PDLIM5: variants seen among roughly 807,000 people sequenced by gnomAD.
PDLIM5 encodes the protein PDZ and LIM domain protein 5.
Under a neutral mutation model 64.2 loss-of-function variants are expected in PDLIM5, and 34 were observed. The observed-to-expected ratio is 0.53, with a 90% confidence interval of 0.40 to 0.71. The LOEUF (loss-of-function observed/expected upper bound fraction) is 0.71, where lower values mean the gene tolerates loss of function less well. Ranked by LOEUF, PDLIM5 falls within the 30% of genes least tolerant of loss-of-function variation. The pLI is 0.00. For missense variants in PDLIM5, 683 were observed against 733.6 expected, an observed-to-expected ratio of 0.93 and a Z score of 0.80; for synonymous variants, 253 against 269.1, an observed-to-expected ratio of 0.94 and a Z score of 0.59.
rs115723892 is a variant in PDLIM5, at chr4:94,482,150, C to T, written c.96+26766C>T. 9.3e-3 allele frequency among the ~76,000 whole-genome samples: 1,389 copies of T among 149,680 alleles called. 24 individuals carry two copies. The highest frequency in any genetic ancestry group is 0.032 in the African/African-American group (1,291 of 40,638). On this transcript the variant is annotated intron_variant, in intron 2 of 12. Coordinates refer to ENST00000317968, the MANE Select transcript of PDLIM5 (RefSeq NM_006457.5). ...TTTTAAATTACAGAGTCTAGCATAT[C>T]ATGTTGTGATTTGGGTTATTTATTT... is the stretch of plus-strand genomic sequence containing the variant.
At chr4:94,650,411 G>A (rs1406135307) in intron 9 of PDLIM5, among the ~76,000 whole-genome samples, 1 of 152,154 alleles carries the variant, frequency 6.6e-6, no homozygotes, top group Non-Finnish European at 1.5e-5. Flanking sequence ...ATCAGATTCT[G>A]TTTTTATTCT....
At chr4:94,623,023 T>C (rs1342240200) in intron 8 of PDLIM5, among the ~76,000 whole-genome samples, 1 of 152,170 alleles carries the variant, frequency 6.6e-6, no homozygotes, top group Admixed American at 6.5e-5. Context: ...TATAGCATTC[T>C]TGTGAAATCA....
intron 7 of PDLIM5, among the ~76,000 whole-genome samples, chr4:94,600,563 T>C (rs1485549162): frequency 6.6e-6 from 1 of 152,246 alleles, no homozygotes; most frequent in Non-Finnish European, 1.5e-5. Flanking sequence ...CTTTATTGTT[T>C]ATAAATTCTT....
intron 2 of PDLIM5, among the ~76,000 whole-genome samples, chr4:94,506,697 GT>G (rs1483519417): frequency 6.6e-6 from 1 of 152,178 alleles, no homozygotes; most frequent in African/African-American, 2.4e-5. Flanking sequence ...CTGTGTGATG[GT>G]TAATATTAGG....
At position 94,575,601 on chromosome 4, in the gene PDLIM5, T is replaced by A. The variant is rs1431896101; in HGVS notation, c.292-15T>A. ...TTGGTGTGGTTTTGTGTATGTTTAT[T>A]TTTGTTTTACATAGGGAGAACCTAA... On this transcript the variant is annotated splice_polypyrimidine_tract_variant and intron_variant, in intron 4 of 12. Coordinates refer to ENST00000317968, the MANE Select transcript of PDLIM5 (RefSeq NM_006457.5). 2 of 1,511,176 alleles carry A rather than the reference T, an allele frequency of 1.3e-6. No homozygotes were observed. Among genetic ancestry groups the A allele is most frequent in the Non-Finnish European group, 1.8e-6 (2 of 1,120,998 alleles). 93.6% of individuals were successfully genotyped at this position (1,511,176 alleles called of 1,614,324 possible). A position where few individuals can be genotyped will look rare whatever the true frequency, so the allele number is the denominator to read the frequency against.
chr4:94,536,232 A>G (rs1040514892), intron 3 of PDLIM5, among the ~76,000 whole-genome samples: 2 of 152,152 alleles, frequency 1.3e-5, no homozygotes, highest in African/African-American at 4.8e-5. Flanking sequence ...TGAGGAGTGT[A>G]GCAGAGATAG....
intron 3 of PDLIM5, among the ~76,000 whole-genome samples, chr4:94,542,507 C>T (rs1731908911): frequency 6.6e-6 from 1 of 152,208 alleles, no homozygotes; most frequent in South Asian, 2.1e-4. Flanking sequence ...TTCAGTGATA[C>T]ATCTTACCTT....
intron 3 of PDLIM5, among the ~76,000 whole-genome samples, chr4:94,540,676 C>T (rs1731730731): frequency 6.6e-6 from 1 of 152,130 alleles, no homozygotes; most frequent in African/African-American, 2.4e-5. Flanking sequence ...GGTTGAGTGA[C>T]TTTCTTTTGA....
chr4:94,636,690 C>A (rs548572572), intron 8 of PDLIM5, among the ~76,000 whole-genome samples: 1 of 151,960 alleles, frequency 6.6e-6, no homozygotes, highest in Non-Finnish European at 1.5e-5. Flanking sequence ...AGGCCCACCA[C>A]GCGCAGCTAA....
At chr4:94,579,455 C>T (rs151252799) in intron 5 of PDLIM5, 5 of 747,788 alleles carry the variant, frequency 6.7e-6, no homozygotes, top group Non-Finnish European at 1.1e-5. Flanking sequence ...TTTGAAGAAC[C>T]TGGCCTTGGA....
chr4:94,612,170 A>C (rs1738421061), intron 7 of PDLIM5, among the ~76,000 whole-genome samples: 1 of 152,214 alleles, frequency 6.6e-6, no homozygotes. Context: ...GTGAGCCGAA[A>C]TTGCGCCATT....
At chr4:94,487,294 G>T (rs1726435789) in intron 2 of PDLIM5, among the ~76,000 whole-genome samples, 1 of 152,148 alleles carries the variant, frequency 6.6e-6, no homozygotes, top group Non-Finnish European at 1.5e-5. Context: ...TGCCTATATA[G>T]ATTTTGTCAG....
chr4:94,505,269 T>C (rs565135452), intron 2 of PDLIM5, among the ~76,000 whole-genome samples: 3 of 152,126 alleles, frequency 2.0e-5, no homozygotes, highest in Non-Finnish European at 4.4e-5. Context: ...AGTCACTTTT[T>C]TTTTTTTTGG....
intron 5 of PDLIM5, among the ~76,000 whole-genome samples, chr4:94,582,080 C>T (rs1455881010): frequency 1.3e-5 from 2 of 152,068 alleles, no homozygotes; most frequent in East Asian, 1.9e-4. Flanking sequence ...ACTGTGCTTC[C>T]TACATTTTTC....
At chr4:94,544,507 A>G (rs552669207) in intron 3 of PDLIM5, among the ~76,000 whole-genome samples, 4 of 152,284 alleles carry the variant, frequency 2.6e-5, no homozygotes, top group East Asian at 1.9e-4. Flanking sequence ...TCCCAATTTT[A>G]TAGAGATACA....
intron 2 of PDLIM5, among the ~76,000 whole-genome samples, chr4:94,466,324 G>T (rs900847405): frequency 6.6e-6 from 1 of 152,134 alleles, no homozygotes; most frequent in Non-Finnish European, 1.5e-5. Context: ...GTATGTATGG[G>T]AGTAACTGAG....
chr4:94,568,566 A>G (rs1156989969), intron 3 of PDLIM5, among the ~76,000 whole-genome samples: 1 of 152,086 alleles, frequency 6.6e-6, no homozygotes, highest in African/African-American at 2.4e-5. Context: ...ATTTAGAAAA[A>G]TGGATTTTTT....
At chr4:94,550,288 AAGTT>A (rs1732697438) in intron 3 of PDLIM5, among the ~76,000 whole-genome samples, 1 of 152,120 alleles carries the variant, frequency 6.6e-6, no homozygotes, top group African/African-American at 2.4e-5. Flanking sequence ...TTTAGATTCA[AAGTT>A]AGGACATTTC....
At chr4:94,588,001 A>G in intron 7 of PDLIM5, 1 of 972,296 alleles carries the variant, frequency 1.0e-6, no homozygotes, top group Admixed American at 6.1e-5. Flanking sequence ...CAATACATGG[A>G]AGCTAAATAT....
Sources: allele counts gnomAD v4.1 joint callset (sites outside exome capture counted in the v4.1 genomes callset), GRCh38; gene constraint gnomAD v4.1.1; transcripts MANE v1.5; gene names NCBI Gene and HGNC (gene_info 2026-07-23, HGNC 2026-07-21).